The following MLLT3 variants were observed in gnomAD, a reference collection of about 807,000 sequenced individuals.
MLLT3 encodes MLLT3 super elongation complex subunit, also known as protein AF-9.
In MLLT3, 4 loss-of-function variants were observed where a neutral mutation model predicts 53.2. The observed-to-expected ratio is 0.08, with a 90% CI of 0.04 to 0.17. The LOEUF is 0.17. Ranked by LOEUF, MLLT3 falls within the 10% of genes least tolerant of loss-of-function variation. MLLT3 has a pLI of 1.00. For missense variants in MLLT3, 569 were observed against 684.0 expected, an observed-to-expected ratio of 0.83 and a Z score of 1.87; for synonymous variants, 283 against 230.6, an observed-to-expected ratio of 1.23 and a Z score of -2.06.
At position 20,343,880 on chromosome 9, in the gene MLLT3, G is replaced by A. The variant is rs1820801406; in HGVS notation, c.*2563C>T. ...GACAGAACTGAAGGGGTTACTTTAA[G>A]AGAGGTATTAAAACTACTTGAAATT... is the stretch of plus-strand genomic sequence containing the variant. On this transcript the variant is annotated 3_prime_UTR_variant, in exon 11 of 11. Transcript: ENST00000380338. The A allele has an allele frequency of 2.4e-5, 5 of 206,376 alleles. No individual in the cohort carries two copies. In the East Asian group the frequency reaches 3.7e-4, roughly 15 times the overall value. The allele number at this position is 206,376 out of a possible 1,614,324, so 12.8% of individuals were successfully genotyped here. A position where few individuals can be genotyped will look rare whatever the true frequency, so the allele number is the denominator to read the frequency against.
At chr9:20,511,751 CATAT>C (rs1006445754) in intron 2 of MLLT3, among the ~76,000 whole-genome samples, 2 of 152,138 alleles carry the variant, frequency 1.3e-5, no homozygotes, top group Admixed American at 6.5e-5. Flanking sequence ...TACATACATA[CATAT>C]GCGCACACAC....
chr9:20,388,006 A>G (rs890793375), intron 5 of MLLT3, among the ~76,000 whole-genome samples: 1 of 152,160 alleles, frequency 6.6e-6, no homozygotes, highest in African/African-American at 2.4e-5. Context: ...TACCTAATCA[A>G]ATGAAACAAT....
At chr9:20,563,552 GA>G (rs995227437) in intron 2 of MLLT3, among the ~76,000 whole-genome samples, 1 of 152,002 alleles carries the variant, frequency 6.6e-6, no homozygotes, top group African/African-American at 2.4e-5. Flanking sequence ...GAGACATCTG[GA>G]ACAAGCAGCA....
chr9:20,529,094 T>C (rs1818267432), intron 2 of MLLT3, among the ~76,000 whole-genome samples: 1 of 152,184 alleles, frequency 6.6e-6, no homozygotes, highest in Non-Finnish European at 1.5e-5. Flanking sequence ...TAAAATCATC[T>C]TGGGACATTT....
intron 2 of MLLT3, among the ~76,000 whole-genome samples, chr9:20,542,807 A>G (rs1587049339): frequency 2.0e-5 from 3 of 152,196 alleles, no homozygotes; most frequent in East Asian, 3.8e-4. Flanking sequence ...CCTGGATGGT[A>G]TCTTCACCAT....
chr9:20,344,818 C>G lies in MLLT3; in HGVS notation c.*1625G>C, dbSNP rs773920439. 1.9e-5 allele frequency: 4 copies of G among 210,004 alleles called. No homozygotes were observed. Among genetic ancestry groups the G allele is most frequent in the Non-Finnish European group, 3.9e-5 (4 of 103,434 alleles). The allele number at this position is 210,004 out of a possible 1,614,324, so 13.0% of individuals were successfully genotyped here. ...GGAAAGACCATTTTCTGTACAGACA[C>G]TAGTTAATCTCTGTATGAAAAGACA... is the stretch of plus-strand genomic sequence containing the variant. On this transcript the variant is annotated 3_prime_UTR_variant, in exon 11 of 11. Transcript: ENST00000380338.
chr9:20,374,783 T>C (rs1821711764), intron 5 of MLLT3, among the ~76,000 whole-genome samples: 1 of 152,206 alleles, frequency 6.6e-6, no homozygotes, highest in Admixed American at 6.5e-5. Flanking sequence ...CCTTATTTCA[T>C]TTGCACTACC....
chr9:20,452,998 A>G (rs1432513770), intron 3 of MLLT3, among the ~76,000 whole-genome samples: 1 of 152,246 alleles, frequency 6.6e-6, no homozygotes, highest in Non-Finnish European at 1.5e-5. Context: ...AAATTTGTTA[A>G]GAAACTATAT....
chr9:20,602,153 T>C (rs2131198595), intron 2 of MLLT3, among the ~76,000 whole-genome samples: 1 of 152,282 alleles, frequency 6.6e-6, no homozygotes, highest in East Asian at 1.9e-4. Flanking sequence ...TTTTTAGCGA[T>C]ATGAATCAAT....
intron 4 of MLLT3, among the ~76,000 whole-genome samples, chr9:20,415,095 A>C (rs1822838659): frequency 6.6e-6 from 1 of 152,212 alleles, no homozygotes. Context: ...ATGGCTTTGC[A>C]ATATAAGGAA....
intron 5 of MLLT3, among the ~76,000 whole-genome samples, chr9:20,374,634 T>C (rs1243297917): frequency 1.3e-5 from 2 of 152,252 alleles, no homozygotes; most frequent in African/African-American, 4.8e-5. Context: ...TATTATCATT[T>C]GGTTTTACAT....
At chr9:20,487,771 A>T (rs897731554) in intron 2 of MLLT3, among the ~76,000 whole-genome samples, 1 of 152,178 alleles carries the variant, frequency 6.6e-6, no homozygotes, top group Non-Finnish European at 1.5e-5. Flanking sequence ...AAAATAAGGG[A>T]TTATTTCCAT....
intron 2 of MLLT3, among the ~76,000 whole-genome samples, chr9:20,500,212 G>A (rs114668040): frequency 6.6e-6 from 1 of 152,150 alleles, no homozygotes; most frequent in African/African-American, 2.4e-5. Flanking sequence ...GCGGTGCAGG[G>A]CTAGCAGGGC....
chr9:20,429,100 T>C lies in MLLT3; in HGVS notation c.421-14675A>G, dbSNP rs183725387. 2.0e-3 allele frequency among the ~76,000 whole-genome samples: 300 copies of C among 152,316 alleles called. 2 individuals carry two copies. Among genetic ancestry groups the C allele is most frequent in the African/African-American group, 7.0e-3 (290 of 41,580 alleles). On this transcript the variant is annotated intron_variant, in intron 4 of 10. Transcript: ENST00000380338. ...AAAGACAGGCAGGTATGGTAGTTCATGCCTGTAATCCCTGTGGTTTTAGGA... is the reference window on the plus strand; with the variant it reads ...AAAGACAGGCAGGTATGGTAGTTCACGCCTGTAATCCCTGTGGTTTTAGGA...
chr9:20,397,050 GA>G (rs575832118), intron 5 of MLLT3, among the ~76,000 whole-genome samples: 100 of 152,234 alleles, frequency 6.6e-4, no homozygotes, highest in African/African-American at 2.2e-3. Context: ...AGTGGGGTCT[GA>G]AAAATCTTTC....
intron 2 of MLLT3, among the ~76,000 whole-genome samples, chr9:20,478,679 G>C (rs1270955435): frequency 6.6e-5 from 10 of 152,138 alleles, no homozygotes; most frequent in South Asian, 2.1e-4. Context: ...AAGATGACCT[G>C]GTTTAAATTC....
At chr9:20,353,119 T>C (rs1821076955) in intron 10 of MLLT3, among the ~76,000 whole-genome samples, 1 of 152,216 alleles carries the variant, frequency 6.6e-6, no homozygotes, top group Admixed American at 6.5e-5. Flanking sequence ...CAAAGGTTAC[T>C]AAATTGAATC....
At chr9:20,596,305 C>T (rs1242881279) in intron 2 of MLLT3, among the ~76,000 whole-genome samples, 1 of 152,178 alleles carries the variant, frequency 6.6e-6, no homozygotes, top group African/African-American at 2.4e-5. Flanking sequence ...AAAACTATGG[C>T]ATTTAATTAA....
At chr9:20,581,105 A>G (rs1202432548) in intron 2 of MLLT3, among the ~76,000 whole-genome samples, 2 of 152,202 alleles carry the variant, frequency 1.3e-5, no homozygotes, top group Non-Finnish European at 2.9e-5. Context: ...ATAGTTTAGG[A>G]CTGCTGAACG....
Sources: allele counts gnomAD v4.1 joint callset (sites outside exome capture counted in the v4.1 genomes callset), GRCh38; gene constraint gnomAD v4.1.1; transcripts MANE v1.5; gene names NCBI Gene and HGNC (gene_info 2026-07-23, HGNC 2026-07-21).